ZFPM1: variants seen among roughly 807,000 people sequenced by gnomAD.
ZFPM1 encodes the protein zinc finger protein ZFPM1.
ZFPM1 carries 28 observed loss-of-function variants against 46.3 expected under a neutral mutation model. That is an observed-to-expected ratio of 0.60 (90% CI 0.45 to 0.83). The LOEUF (loss-of-function observed/expected upper bound fraction) is 0.83. ZFPM1 is among the 40% of genes least tolerant of loss of function. The pLI, the probability that ZFPM1 is intolerant of heterozygous loss-of-function variation, is 0.00. For synonymous variants in ZFPM1, 957 were observed against 675.9 expected (o/e 1.42, Z -6.45); for missense variants, 1,878 against 1,432.4 (o/e 1.31, Z -5.02).
intron 4 of ZFPM1, among the ~76,000 whole-genome samples, chr16:88,518,493 G>A (rs1042069830): frequency 1.1e-4 from 16 of 151,640 alleles, no homozygotes; most frequent in African/African-American, 3.9e-4. Flanking sequence ...ATGGACAGAT[G>A]TGTAGGTAGA....
intron 3 of ZFPM1, among the ~76,000 whole-genome samples, chr16:88,501,474 A>G (rs71372767): frequency 2.5e-5 from 3 of 118,688 alleles, no homozygotes; most frequent in South Asian, 2.8e-4. Flanking sequence ...TAGAGATAGC[A>G]GACATGGGTG....
At chr16:88,499,089 C>T (rs1301393083) in intron 3 of ZFPM1, among the ~76,000 whole-genome samples, 1 of 152,202 alleles carries the variant, frequency 6.6e-6, no homozygotes, top group Admixed American at 6.5e-5. Context: ...TCATCCCCAG[C>T]TCCCCAACGG....
chr16:88,490,058 T>A (rs1236574972), intron 3 of ZFPM1, among the ~76,000 whole-genome samples: 1 of 137,382 alleles, frequency 7.3e-6, no homozygotes, highest in Non-Finnish European at 1.6e-5. Flanking sequence ...TATTTATTAT[T>A]TTTTTTTTTT....
chr16:88,534,231 C>A lies in ZFPM1; in HGVS notation c.2273C>A (p.Pro758Gln). Residue 758 changes from proline to glutamine, a missense_variant, in exon 10 of 10, where the codon CCG becomes CAG. Coordinates refer to ENST00000319555, the MANE Select transcript of ZFPM1 (RefSeq NM_153813.3). Reference protein sequence around the residue: ...ELHAAGAPPPPPPGHAPAPES... With the variant: ...ELHAAGAPPPQPPGHAPAPES... ...CACGCGGCCGGCGCCCCGCCCCCCC[C>A]GCCGCCCGGCCACGCCCCCGCGCCC... The A allele has an allele frequency of 2.0e-6, 2 of 987,414 alleles. No individual in the cohort carries two copies. Among genetic ancestry groups the A allele is most frequent in the Non-Finnish European group, 1.2e-6 (1 of 832,908 alleles). 61.2% of individuals were successfully genotyped at this position (987,414 alleles called of 1,614,324 possible).
chr16:88,499,940 G>A (rs369021359), intron 3 of ZFPM1, among the ~76,000 whole-genome samples: 74 of 152,324 alleles, frequency 4.9e-4, no homozygotes, highest in East Asian at 5.8e-4. Flanking sequence ...GAGCGCAGCC[G>A]GAGCCCTGGG....
chr16:88,488,728 A>G (rs1406533296), intron 2 of ZFPM1, among the ~76,000 whole-genome samples: 1 of 152,194 alleles, frequency 6.6e-6, no homozygotes, highest in Non-Finnish European at 1.5e-5. Context: ...GGAGCTGGCG[A>G]CGGCGCATGT....
At chr16:88,483,991 T>C (rs988877094) in intron 1 of ZFPM1, among the ~76,000 whole-genome samples, 2 of 152,208 alleles carry the variant, frequency 1.3e-5, no homozygotes, top group East Asian at 1.9e-4. Flanking sequence ...GAACCTGGCG[T>C]TGGACGCTGG....
At chr16:88,526,607 G>C (rs1912343076) in intron 4 of ZFPM1, among the ~76,000 whole-genome samples, 1 of 152,202 alleles carries the variant, frequency 6.6e-6, no homozygotes, top group Non-Finnish European at 1.5e-5. Flanking sequence ...CCCAGCCCCA[G>C]CACGGTGTTA....
intron 1 of ZFPM1, among the ~76,000 whole-genome samples, chr16:88,479,590 T>C (rs1282023687): frequency 6.6e-6 from 1 of 152,082 alleles, no homozygotes; most frequent in East Asian, 1.9e-4. Flanking sequence ...GCTGCCCAGC[T>C]GGTGGGAAAG....
At chr16:88,527,685 G>T (rs1050936447) in intron 5 of ZFPM1, among the ~76,000 whole-genome samples, 23 of 151,960 alleles carry the variant, frequency 1.5e-4, no homozygotes, top group Non-Finnish European at 2.5e-4. Context: ...GGAGAGCCGG[G>T]TCCACTCTAG....
At chr16:88,493,203 G>GGAGCTGTCCCGGGGTGGGGA (rs1403733934) in intron 3 of ZFPM1, among the ~76,000 whole-genome samples, 12 of 100,212 alleles carry the variant, frequency 1.2e-4, no homozygotes, top group African/African-American at 3.2e-4. Context: ...CAGGGTGCGG[G>GGAGCTGTCCCGGGGTGGGGA]GAGCTGTCCC....
chr16:88,479,901 T>C (rs1908856619), intron 1 of ZFPM1, among the ~76,000 whole-genome samples: 1 of 126,366 alleles, frequency 7.9e-6, no homozygotes, highest in Non-Finnish European at 1.6e-5. Flanking sequence ...AGCCCTGGCC[T>C]TCACCCACTC....
chr16:88,493,460 C>G (rs1426846302), intron 3 of ZFPM1, among the ~76,000 whole-genome samples: 2 of 100,518 alleles, frequency 2.0e-5, no homozygotes, highest in African/African-American at 4.2e-5. Context: ...TCCCGGGCTG[C>G]GGGGAGCTGT....
Position 88,486,010 on chromosome 16 carries a change from A to G in ZFPM1, c.112A>G (p.Thr38Ala). ...TGCCAGCCACATGGAGCAAAAGGCC[A>G]CGGCACCTGAAGCCCCGAGCCCTCC... ...VGASHMEQKA[T>A]APEAPSPPSA... The change falls in exon 2 of 10, where the codon ACG becomes GCG. Residue 38 changes from threonine to alanine, a missense_variant. Coordinates refer to ENST00000319555, the MANE Select transcript of ZFPM1 (RefSeq NM_153813.3). The G allele has an allele frequency of 6.2e-7, 1 of 1,612,774 alleles. No individual in the cohort carries two copies. Among genetic ancestry groups the G allele is most frequent in the East Asian group, 2.2e-5 (1 of 44,884 alleles).
intron 1 of ZFPM1, among the ~76,000 whole-genome samples, chr16:88,462,253 G>A (rs568319936): frequency 1.3e-5 from 2 of 152,344 alleles, no homozygotes; most frequent in Admixed American, 6.5e-5. Flanking sequence ...GGGCTGGTGG[G>A]CAGCTTCCGA....
Position 88,534,904 on chromosome 16 carries a change from G to T in ZFPM1, c.2946G>T (p.Lys982Asn). 1 of 1,563,812 alleles carries T rather than the reference G, an allele frequency of 6.4e-7. No individual in the cohort carries two copies. ...GGTACTGCCGTCTTTGCAACATCAA[G>T]TTCAGCAGCCTGTCCACCTTCATCG... is the stretch of plus-strand genomic sequence containing the variant. ...NHRYCRLCNI[K>N]FSSLSTFIAH... Residue 982 changes from lysine (K) to asparagine (N), a missense_variant, in exon 10 of 10, where the codon AAG becomes AAT. Transcript: ENST00000319555.
At chr16:88,523,128 C>T (rs1254956336) in intron 4 of ZFPM1, among the ~76,000 whole-genome samples, 2 of 151,846 alleles carry the variant, frequency 1.3e-5, no homozygotes, top group Non-Finnish European at 2.9e-5. Context: ...ATTGCTTGAA[C>T]CCCGGAGGTG....
intron 1 of ZFPM1, among the ~76,000 whole-genome samples, chr16:88,478,089 G>A (rs1009202193): frequency 2.0e-5 from 3 of 152,042 alleles, no homozygotes; most frequent in African/African-American, 4.8e-5. Context: ...CCGCTCAACC[G>A]CCATGTCTCC....
chr16:88,483,351 GTCAGCACGGC>G (rs1909049835), intron 1 of ZFPM1, among the ~76,000 whole-genome samples: 1 of 151,936 alleles, frequency 6.6e-6, no homozygotes, highest in Admixed American at 6.6e-5. Context: ...GGCCTCTGAG[GTCAGCACGGC>G]CAGGACCCTG....
Sources: gnomAD v4.1 joint callset for allele counts (sites outside exome capture counted in the v4.1 genomes callset) on GRCh38, gnomAD v4.1.1 for gene constraint, MANE v1.5 for transcripts, NCBI Gene and HGNC (gene_info 2026-07-23, HGNC 2026-07-21) for gene names.